STK36: variants seen among roughly 807,000 people sequenced by gnomAD.
The protein encoded by STK36 is serine/threonine kinase 36.
A neutral mutation model predicts 142.2 loss-of-function variants in STK36; 116 were observed. That is an observed-to-expected ratio of 0.82 (90% confidence interval 0.70 to 0.95). STK36 has a LOEUF of 0.95. STK36 is among the 40% of genes least tolerant of loss of function. The pLI, the probability that STK36 is intolerant of heterozygous loss-of-function variation, is 0.00. For synonymous variants in STK36, 619 were observed against 641.7 expected, an observed-to-expected ratio of 0.96 and a Z score of 0.53; for missense variants, 1,422 against 1,617.2, an observed-to-expected ratio of 0.88 and a Z score of 2.07.
intron 14 of STK36, 128 bp from the exon 15 acceptor site, chr2:218,692,015 C>A: frequency 8.4e-7 from 1 of 1,185,326 alleles, no homozygotes; most frequent in Non-Finnish European, 1.2e-6. Flanking sequence ...GTGAAGAATG[C>A]TTAAAATTAG....
rs758106392 is a variant in STK36 at position 218,673,700 on chromosome 2, A to G, written c.160A>G (p.Ile54Val). 1 of 1,614,102 alleles carries G rather than the reference A, an allele frequency of 6.2e-7. No homozygotes were observed. The highest frequency in any genetic ancestry group is 8.5e-7 in the Non-Finnish European group (1 of 1,180,040). The change falls in exon 3 of 27, where the codon ATA becomes GTA. Residue 54 changes from isoleucine (I) to valine (V), a missense_variant. Physicochemically the swap from Ile to Val is conservative, Grantham distance 29. Around this residue, in one of 2 missense-constraint regions of STK36, gnomAD observed 460 missense variants for 449.6 expected, o/e 1.02. Coordinates refer to ENST00000295709, the MANE Select transcript of STK36 (RefSeq NM_015690.5). The stretch of plus-strand genomic sequence containing the variant: ...GAGGAATTTGCAACGAGAGATTGAA[A>G]TAATGCGGGGTCTGCGGCATCCCAA... ...ELRNLQREIE[I>V]MRGLRHPNIV...
At chr2:218,684,451 C>T (rs1388712836) in intron 10 of STK36, among the ~76,000 whole-genome samples, 7 of 95,828 alleles carry the variant, frequency 7.3e-5, no homozygotes, top group Non-Finnish European at 1.3e-4. Context: ...GACAGAGTCT[C>T]ACTCTGTCAC....
chr2:218,679,417 C>T (rs1940400534), intron 7 of STK36, 143 bp from the exon 8 acceptor site: 1 of 1,298,534 alleles, frequency 7.7e-7, no homozygotes, highest in East Asian at 2.4e-5. Context: ...TGCCACTTCC[C>T]TTACAACCCA....
intron 24 of STK36, 101 bp downstream of exon 24, chr2:218,697,711 A>C (rs950035046): frequency 3.6e-5 from 58 of 1,589,614 alleles, no homozygotes; most frequent in Non-Finnish European, 4.7e-5. Context: ...AAAGCAAGAA[A>C]GATGAGATCA....
At chr2:218,674,800 A>G (rs1430420403) in intron 4 of STK36, among the ~76,000 whole-genome samples, 1 of 152,060 alleles carries the variant, frequency 6.6e-6, no homozygotes, top group Non-Finnish European at 1.5e-5. Flanking sequence ...GGGTTTCACC[A>G]TGCTGGCCAG....
At chr2:218,677,602 T>G (rs748217628) in intron 6 of STK36, among the ~76,000 whole-genome samples, 6 of 152,226 alleles carry the variant, frequency 3.9e-5, no homozygotes, top group Admixed American at 1.3e-4. Context: ...TTCCACTTAC[T>G]TCCTGTCAGA....
In STK36 at chr2:218,673,727, A is replaced by G. The variant is rs1451104104; in HGVS notation, c.187A>G (p.Ile63Val). ...EIMRGLRHPN[I>V]VHMLDSFETD... The stretch of plus-strand genomic sequence containing the variant: ...AATGCGGGGTCTGCGGCATCCCAAC[A>G]TTGTGCATATGCTTGACAGCTTTGA... Residue 63 changes from isoleucine (I) to valine (V), a missense_variant, in exon 3 of 27, where the codon ATT (isoleucine) becomes GTT (valine). By Grantham distance (29) the Ile-to-Val change is conservative. This residue lies in a region of STK36 where 460 missense variants were observed against 449.6 expected (regional missense o/e 1.02). Transcript: ENST00000295709. The G allele has an allele frequency of 1.2e-5, 20 of 1,614,150 alleles. No homozygotes were observed. Among genetic ancestry groups the G allele is most frequent in the Non-Finnish European group, 1.7e-5 (20 of 1,180,014 alleles).
Position 218,675,231 on chromosome 2 carries a change from A to G in STK36, c.304-112A>G, listed in dbSNP as rs1047883812. On this transcript the variant is annotated intron_variant, in intron 4 of 26. Coordinates refer to ENST00000295709, the MANE Select transcript of STK36 (RefSeq NM_015690.5). ...AGAAAGAATAGTGTGAAGCTCTGCA[A>G]GAAAGGGAAGGAAGAAAAGATTAGC... 2.5e-6 allele frequency: 3 copies of G among 1,206,068 alleles called. No homozygotes were observed. In the African/African-American group the frequency reaches 4.5e-5, roughly 18 times the overall value. 74.7% of individuals were successfully genotyped at this position (1,206,068 alleles called of 1,614,324 possible).
At chr2:218,677,294 C>A (rs1249032752) in intron 6 of STK36, among the ~76,000 whole-genome samples, 1 of 152,188 alleles carries the variant, frequency 6.6e-6, no homozygotes, top group African/African-American at 2.4e-5. Context: ...ATGAGAACAG[C>A]AAGGGGGAAG....
intron 26 of STK36, among the ~76,000 whole-genome samples, chr2:218,700,523 TC>T (rs1335422968): frequency 1.3e-5 from 2 of 151,848 alleles, no homozygotes; most frequent in Non-Finnish European, 2.9e-5. Context: ...TGTCTCAGCC[TC>T]CCAAGTAGCT....
chr2:218,682,328 C>G (rs1469383950), intron 10 of STK36, among the ~76,000 whole-genome samples: 1 of 152,164 alleles, frequency 6.6e-6, no homozygotes, highest in East Asian at 1.9e-4. Context: ...TAGCATCTTT[C>G]TGAATCATTT....
intron 15 of STK36, 121 bp downstream of exon 15, chr2:218,692,414 G>T (rs992090085): frequency 6.7e-7 from 1 of 1,495,664 alleles, no homozygotes; most frequent in Non-Finnish European, 9.0e-7. Flanking sequence ...ATAAATAACT[G>T]TGAACTGAGA....
At position 218,690,489 on chromosome 2, in the gene STK36, C is replaced by T. The variant is rs1940957629; in HGVS notation, c.1698C>T (p.Asp566=). The T allele has an allele frequency of 6.2e-7, 1 of 1,614,142 alleles. No homozygotes were observed. The highest frequency in any genetic ancestry group is 8.5e-7 in the Non-Finnish European group (1 of 1,180,032). The change falls in exon 14 of 27, where the codon GAC becomes GAT. Residue 566 remains aspartate, a synonymous_variant. Coordinates refer to ENST00000295709, the MANE Select transcript of STK36 (RefSeq NM_015690.5). ...AGGAGGCTGCCAACCTTTTTCTGGA[C>T]CTGTTGGGGAAACTGCTGGCCCAAC... ...VFQEAANLFL[D]LLGKLLAQPD... is the part of the protein sequence containing the mutation.
At position 218,694,004 on chromosome 2, in the gene STK36, TCTCCAC is replaced by T; in HGVS notation, c.2336+22_2336+27del. ...TGTGGGTAAGTCATAAAGTAGGGTG[TCTCCAC>T]AGAAGTCTTCTAGCCACATAGCTAA... On this transcript the variant is annotated intron_variant, in intron 19 of 26. Coordinates refer to ENST00000295709, the MANE Select transcript of STK36 (RefSeq NM_015690.5). This position sits in a 1 kb window ranked among gnomAD's most constrained non-coding sequence, Gnocchi z 4.4. 2 of 1,612,100 alleles carry T rather than the reference TCTCCAC, an allele frequency of 1.2e-6. No individual in the cohort carries two copies. The highest frequency in any genetic ancestry group is 2.2e-5 in the South Asian group (2 of 91,046).
At position 218,697,458 on chromosome 2, in the gene STK36, A is replaced by C; in HGVS notation, c.2762-5A>C. On this transcript the variant is annotated splice_polypyrimidine_tract_variant and splice_region_variant and intron_variant, in intron 23 of 26. Coordinates refer to ENST00000295709, the MANE Select transcript of STK36 (RefSeq NM_015690.5). ...CCATTGGGTCTCCATTTTTGGTGTT[A>C]CCAGGCATGGCAGCCCTGCTGAGCC... The C allele has an allele frequency of 6.2e-7, 1 of 1,613,176 alleles. No homozygotes were observed. Among genetic ancestry groups the C allele is most frequent in the Non-Finnish European group, 8.5e-7 (1 of 1,179,734 alleles).
chr2:218,693,509 A>T (rs1481912956), intron 17 of STK36, among the ~76,000 whole-genome samples, 165 bp downstream of exon 17: 1 of 152,190 alleles, frequency 6.6e-6, no homozygotes, highest in Non-Finnish European at 1.5e-5. Flanking sequence ...AATCTGTTCA[A>T]CTGAGAGGAC....
rs949838428 is a variant in STK36 at position 218,690,036 on chromosome 2, G to A, written c.1658+80G>A. ...CAAGTGCCCTTCCCATTTAGGAACAGGCCAAGTATGAAGAAGCTGTGATTT... is the reference window on the plus strand; with the variant it reads ...CAAGTGCCCTTCCCATTTAGGAACAAGCCAAGTATGAAGAAGCTGTGATTT... On this transcript the variant is annotated intron_variant, in intron 13 of 26. Coordinates refer to ENST00000295709, the MANE Select transcript of STK36 (RefSeq NM_015690.5). 3.2e-5 allele frequency: 42 copies of A among 1,292,540 alleles called. No individual in the cohort carries two copies. In the African/African-American group the frequency reaches 5.2e-4, roughly 16 times the overall value. 80.1% of individuals were successfully genotyped at this position (1,292,540 alleles called of 1,614,324 possible).
At chr2:218,685,769 C>T (rs1213188655) in intron 11 of STK36, among the ~76,000 whole-genome samples, 4 of 152,062 alleles carry the variant, frequency 2.6e-5, no homozygotes, top group African/African-American at 7.3e-5. Context: ...CCTGGGTACT[C>T]GCCAAACTGT....
chr2:218,688,601 G>A, intron 11 of STK36, 96 bp from the exon 12 acceptor site: 2 of 1,386,878 alleles, frequency 1.4e-6, no homozygotes, highest in Non-Finnish European at 2.0e-6. Context: ...CATGTGGTCT[G>A]CTTTCCCAGC....
Sources: allele counts gnomAD v4.1 joint callset (sites outside exome capture counted in the v4.1 genomes callset), GRCh38; gene constraint gnomAD v4.1.1; regional missense constraint gnomAD v4.1.1; non-coding constraint Gnocchi (gnomAD v3.1); transcripts MANE v1.5; gene names NCBI Gene and HGNC (gene_info 2026-07-23, HGNC 2026-07-21).